NCAM1: variants seen among roughly 807,000 people sequenced by gnomAD.
NCAM1 encodes antigen recognized by monoclonal antibody 5.1H11.
In NCAM1, 14 loss-of-function variants were observed where a neutral mutation model predicts 109.8. The ratio of observed to expected loss-of-function variants is 0.13; its 90% CI spans 0.08 to 0.20. NCAM1 has a LOEUF of 0.20. NCAM1 is among the 10% of genes least tolerant of loss of function. The probability of loss-of-function intolerance (pLI) is 1.00; values close to 1 mark genes in which losing one functional copy is unlikely to be tolerated. For missense variants in NCAM1, 774 were observed against 1,109.9 expected, an observed-to-expected ratio of 0.70 and a Z score of 4.30; for synonymous variants, 418 against 442.9, an observed-to-expected ratio of 0.94 and a Z score of 0.70.
intron 1 of NCAM1, among the ~76,000 whole-genome samples, chr11:113,118,403 G>A (rs1352537840): frequency 6.6e-6 from 1 of 151,918 alleles, no homozygotes; most frequent in East Asian, 1.9e-4. Context: ...TGCCTTTATT[G>A]GGGAAGATTT....
chr11:113,199,265 A>C (rs1943957468), intron 1 of NCAM1, among the ~76,000 whole-genome samples: 1 of 152,184 alleles, frequency 6.6e-6, no homozygotes. Flanking sequence ...AAAAAGGTGA[A>C]AGTTGAGGTA....
intron 1 of NCAM1, among the ~76,000 whole-genome samples, chr11:113,157,344 G>A (rs1466511775): frequency 6.6e-6 from 1 of 152,158 alleles, no homozygotes; most frequent in African/African-American, 2.4e-5. Flanking sequence ...AGTTGAAAAT[G>A]TTCAAGGTTT....
At chr11:113,150,298 A>C (rs770701132) in intron 1 of NCAM1, among the ~76,000 whole-genome samples, 3 of 152,156 alleles carry the variant, frequency 2.0e-5, no homozygotes, top group Non-Finnish European at 4.4e-5. Context: ...TTCTAGTTTA[A>C]AATGATTTAT....
Position 113,120,635 on chromosome 11 carries a change from C to A in NCAM1, c.53-81744C>A, listed in dbSNP as rs117485377. On this transcript the variant is annotated intron_variant, in intron 1 of 19. Transcript: ENST00000316851. ...GTGAAAGAGGCAAACACCATGGCTA[C>A]AGAAAGGGGGTGATCTCCTTTCTCC... 3.0e-3 allele frequency among the ~76,000 whole-genome samples: 453 copies of A among 152,258 alleles called. 1 individual carries two copies. The highest frequency in any genetic ancestry group is 5.6e-3 in the Non-Finnish European group (384 of 68,032).
chr11:113,184,966 T>C (rs782215113), intron 1 of NCAM1, among the ~76,000 whole-genome samples: 16 of 151,362 alleles, frequency 1.1e-4, no homozygotes, highest in Admixed American at 2.0e-4. Context: ...TAGTCTGGGT[T>C]CTCCAGAGAA....
At chr11:113,240,932 A>T (rs935594711) in intron 14 of NCAM1, 2 of 1,268,758 alleles carry the variant, frequency 1.6e-6, no homozygotes, top group Admixed American at 3.4e-5. Context: ...TGATAATTCA[A>T]CTCAGTTGGT....
At chr11:113,170,440 C>G (rs1439526664) in intron 1 of NCAM1, among the ~76,000 whole-genome samples, 11 of 151,922 alleles carry the variant, frequency 7.2e-5, no homozygotes, top group Admixed American at 2.0e-4. Context: ...AAATACCTGA[C>G]AAAGAGCAAA....
At chr11:113,095,060 T>C (rs1591319770) in intron 1 of NCAM1, among the ~76,000 whole-genome samples, 1 of 152,208 alleles carries the variant, frequency 6.6e-6, no homozygotes, top group East Asian at 1.9e-4. Flanking sequence ...TTCTTGCAGT[T>C]AAGATTTCCT....
intron 1 of NCAM1, among the ~76,000 whole-genome samples, chr11:113,116,475 C>T (rs1555094895): frequency 6.6e-6 from 1 of 152,210 alleles, no homozygotes; most frequent in African/African-American, 2.4e-5. Context: ...TAAACAAGAG[C>T]TAAGCTAGTT....
Position 112,961,619 on chromosome 11 carries a change from C to G in NCAM1, c.7C>G (p.Gln3Glu), listed in dbSNP as rs1591187988. ML[Q>E]TKDLIWTLFF... The stretch of plus-strand genomic sequence containing the variant: ...TCCCAGCCAGCAGATTACAATGCTG[C>G]AAACTAAGGATCTCATCTGGACTTT... The change falls in exon 1 of 20, where the codon CAA (glutamine) becomes GAA (glutamate). Residue 3 changes from glutamine (Q) to glutamate (E), a missense_variant. This residue lies in a region of NCAM1 where 112 missense variants were observed against 142.0 expected (regional missense o/e 0.79). Coordinates refer to ENST00000316851, the MANE Select transcript of NCAM1 (RefSeq NM_181351.5). 6.0e-6 allele frequency: 9 copies of G among 1,492,950 alleles called. No individual in the cohort carries two copies. Among genetic ancestry groups the G allele is most frequent in the Middle Eastern group, 1.7e-4 (1 of 5,882 alleles). 92.5% of individuals were successfully genotyped at this position (1,492,950 alleles called of 1,614,324 possible).
chr11:113,201,627 C>T (rs55643163), intron 1 of NCAM1, among the ~76,000 whole-genome samples: 1,851 of 152,290 alleles, frequency 0.012, 12 homozygotes, highest in South Asian at 0.022. Flanking sequence ...TTTGTCTTAT[C>T]GGTGCAGTGG....
At chr11:113,030,324 T>C (rs1952676809) in intron 1 of NCAM1, among the ~76,000 whole-genome samples, 1 of 152,202 alleles carries the variant, frequency 6.6e-6, no homozygotes, top group Non-Finnish European at 1.5e-5. Context: ...CTCTAAAAGA[T>C]GAAAACAGTA....
chr11:113,162,775 G>A (rs1942643789), intron 1 of NCAM1, among the ~76,000 whole-genome samples: 2 of 152,150 alleles, frequency 1.3e-5, no homozygotes, highest in South Asian at 4.2e-4. Flanking sequence ...CATATTCTCA[G>A]TGGGCAGACC....
intron 17 of NCAM1, chr11:113,263,742 AC>A (rs1352820111): frequency 3.6e-5 from 35 of 985,312 alleles, no homozygotes; most frequent in Non-Finnish European, 4.0e-5. Flanking sequence ...TTCAGCAGTG[AC>A]CCACAGAATG....
At chr11:113,186,325 A>G (rs4648326) in intron 1 of NCAM1, among the ~76,000 whole-genome samples, 96,605 of 152,070 alleles carry the variant, frequency 0.64, 31,116 homozygotes, top group Admixed American at 0.74. Context: ...CTGCTTATGA[A>G]AATCTAATGC....
rs140491695 is a variant in NCAM1 at position 112,988,751 on chromosome 11, A to ATTTTTTTTTT, written c.52+27093_52+27102dup. ...CTCTTTGTCTTTGACTTTCAACAGT[A>ATTTTTTTTTT]TTTTTTTTTTTTTTTGAGATGGATT... On this transcript the variant is annotated intron_variant, in intron 1 of 19. Coordinates refer to ENST00000316851, the MANE Select transcript of NCAM1 (RefSeq NM_181351.5). Among the ~76,000 whole-genome samples the ATTTTTTTTTT allele has an allele frequency of 1.5e-5, 2 of 137,902 alleles. 1 individual carries two copies. The allele number at this position is 137,902 out of a possible 152,430, so 90.5% of individuals were successfully genotyped here. A position where few individuals can be genotyped will look rare whatever the true frequency, so the allele number is the denominator to read the frequency against.
At chr11:113,137,956 AC>A (rs1392325352) in intron 1 of NCAM1, among the ~76,000 whole-genome samples, 1 of 152,174 alleles carries the variant, frequency 6.6e-6, no homozygotes, top group Non-Finnish European at 1.5e-5. Flanking sequence ...TCCGTAGCAT[AC>A]TTGGGAGCCA....
chr11:113,033,688 T>C (rs1247863081), intron 1 of NCAM1, among the ~76,000 whole-genome samples: 3 of 152,184 alleles, frequency 2.0e-5, no homozygotes, highest in Admixed American at 6.5e-5. Flanking sequence ...CCAGCTTCCT[T>C]ACTCTTATAA....
rs2137581756 is a variant in NCAM1, at chr11:113,255,965, C to A, written c.1917C>A (p.Gly639=). 6.2e-7 allele frequency: 1 copy of A among 1,605,676 alleles called. No individual in the cohort carries two copies. Among genetic ancestry groups the A allele is most frequent in the African/African-American group, 1.3e-5 (1 of 74,834 alleles). Residue 639 remains glycine, a synonymous_variant, in exon 16 of 20, where the codon GGC becomes GGA. Transcript: ENST00000316851. ...KVNLIKQDDG[G]SPIRHYLVRY... ...ACCTGATCAAGCAGGATGACGGCGG[C>A]TCCCCCATCAGACACTATCTGGTCA...
Sources: gnomAD v4.1 joint callset for allele counts (sites outside exome capture counted in the v4.1 genomes callset) on GRCh38, gnomAD v4.1.1 for gene constraint, gnomAD v4.1.1 regional missense constraint, MANE v1.5 for transcripts, NCBI Gene and HGNC (gene_info 2026-07-23, HGNC 2026-07-21) for gene names.